Variants in ZC3H13 observed in about 807,000 individuals in gnomAD.
ZC3H13 encodes the protein zinc finger CCCH-type containing 13.
Under a neutral mutation model 204.1 loss-of-function variants are expected in ZC3H13, and 64 were observed. The ratio of observed to expected loss-of-function variants is 0.31; its 90% CI spans 0.26 to 0.39. The LOEUF (loss-of-function observed/expected upper bound fraction) is 0.39. Ranked by LOEUF, ZC3H13 falls within the 10% of genes least tolerant of loss-of-function variation. ZC3H13 has a pLI of 1.00. For missense variants in ZC3H13, 1,833 were observed against 2,082.7 expected (o/e 0.88, Z 2.33); for synonymous variants, 667 against 693.7 (o/e 0.96, Z 0.60).
At chr13:46,020,800 G>A (rs1022231712) in intron 4 of ZC3H13, among the ~76,000 whole-genome samples, 9 of 151,986 alleles carry the variant, frequency 5.9e-5, no homozygotes, top group Admixed American at 5.9e-4. Context: ...TAAAAGAGAT[G>A]TAGACTATAC....
chr13:45,960,957 G>A (rs544030497), intron 17 of ZC3H13, among the ~76,000 whole-genome samples: 65 of 152,302 alleles, frequency 4.3e-4, no homozygotes, highest in Admixed American at 2.6e-4. Context: ...CAATAGATGT[G>A]TAACATAAGA....
intron 4 of ZC3H13, among the ~76,000 whole-genome samples, chr13:46,038,091 T>C (rs2043321775): frequency 6.6e-6 from 1 of 152,224 alleles, no homozygotes; most frequent in Non-Finnish European, 1.5e-5. Flanking sequence ...GATCTCAGCA[T>C]GTCTCTTTTC....
intron 8 of ZC3H13, among the ~76,000 whole-genome samples, chr13:46,001,722 A>G (rs2040758935): frequency 6.6e-6 from 1 of 152,128 alleles, no homozygotes; most frequent in African/African-American, 2.4e-5. Flanking sequence ...ATAAAAGTAC[A>G]AAGAACCATT....
At chr13:46,020,700 TAGAG>T in intron 4 of ZC3H13, 143 bp from the exon 5 acceptor site, 1 of 587,784 alleles carries the variant, frequency 1.7e-6, no homozygotes, top group Non-Finnish European at 2.9e-6. Flanking sequence ...ATCCACTAAG[TAGAG>T]AAAGTGACAA....
intron 12 of ZC3H13, among the ~76,000 whole-genome samples, chr13:45,971,027 G>T (rs1952539760): frequency 6.6e-6 from 1 of 152,150 alleles, no homozygotes; most frequent in South Asian, 2.1e-4. Flanking sequence ...TCATAAAATT[G>T]CAGTAAGGAA....
At chr13:46,042,331 GTATT>G (rs1425948642) in intron 3 of ZC3H13, 56 bp from the exon 4 acceptor site, 2 of 1,144,160 alleles carry the variant, frequency 1.7e-6, no homozygotes, top group Non-Finnish European at 2.6e-6. Context: ...ACAAAAATCT[GTATT>G]TATATATTAA....
At chr13:46,000,489 C>CT (rs888648801) in intron 8 of ZC3H13, among the ~76,000 whole-genome samples, 2 of 152,196 alleles carry the variant, frequency 1.3e-5, no homozygotes, top group Admixed American at 6.5e-5. Context: ...TAACTTCAAA[C>CT]TTTTTTCCTG....
At chr13:46,039,898 T>C (rs573235704) in intron 4 of ZC3H13, among the ~76,000 whole-genome samples, 88 of 152,284 alleles carry the variant, frequency 5.8e-4, no homozygotes, top group Non-Finnish European at 8.2e-4. Context: ...AGTATTTACA[T>C]AAAAGAAGGG....
At chr13:46,027,700 A>G (rs1372722842) in intron 4 of ZC3H13, among the ~76,000 whole-genome samples, 2 of 152,224 alleles carry the variant, frequency 1.3e-5, no homozygotes, top group Non-Finnish European at 2.9e-5. Flanking sequence ...TTTTGTTATT[A>G]TCTGTATTAT....
rs2137659203 is a variant in ZC3H13, at chr13:45,954,830, A to G, written c.*2297T>C. 1 of 152,370 alleles carries G rather than the reference A, an allele frequency of 6.6e-6. No individual in the cohort carries two copies. The highest frequency in any genetic ancestry group is 2.4e-5 in the African/African-American group (1 of 41,582). 9.4% of individuals were successfully genotyped at this position (152,370 alleles called of 1,614,324 possible). ...ACGACAATCTGCAATTACTGGTCAGAGTGAAGCGAAGTGACAGGTCAGATT... is the reference window on the plus strand; with the variant it reads ...ACGACAATCTGCAATTACTGGTCAGGGTGAAGCGAAGTGACAGGTCAGATT... On this transcript the variant is annotated 3_prime_UTR_variant, in exon 19 of 19. Transcript: ENST00000679008.
At chr13:45,964,747 G>A (rs1205610048) in intron 16 of ZC3H13, among the ~76,000 whole-genome samples, 1 of 152,132 alleles carries the variant, frequency 6.6e-6, no homozygotes, top group Admixed American at 6.5e-5. Context: ...TGATTCAAGA[G>A]GAATATTAAG....
At chr13:46,032,362 CA>C (rs11323386) in intron 4 of ZC3H13, among the ~76,000 whole-genome samples, 39,797 of 99,526 alleles carry the variant, frequency 0.4, 5,362 homozygotes, top group Middle Eastern at 0.51. Context: ...AGAAAAAGAC[CA>C]AAAAAAAAAA....
chr13:46,038,728 C>G (rs1488657759), intron 4 of ZC3H13, among the ~76,000 whole-genome samples: 1 of 152,098 alleles, frequency 6.6e-6, no homozygotes, highest in Non-Finnish European at 1.5e-5. Context: ...AAATATAACA[C>G]TAAAAATAAT....
chr13:46,006,195 G>A (rs1452088851), intron 7 of ZC3H13, among the ~76,000 whole-genome samples: 6 of 151,436 alleles, frequency 4.0e-5, no homozygotes, highest in African/African-American at 7.3e-5. Flanking sequence ...AGACAGCTTC[G>A]ACTCCCTCGG....
intron 12 of ZC3H13, among the ~76,000 whole-genome samples, chr13:45,971,592 A>C (rs951350635): frequency 2.6e-5 from 4 of 152,218 alleles, no homozygotes; most frequent in African/African-American, 4.8e-5. Context: ...TCTTTTGGAC[A>C]CTGGCCTAGG....
In ZC3H13 at chr13:45,985,412, T is replaced by A; in HGVS notation, c.1605A>T (p.Arg535Ser). ...TTATTTCCGTACGAGAACTTTCTTC[T>A]CTCAAATGGTTTCGGCCATAACTCC... ...ESRSYGRNHLREESSRTEIRN... is the reference protein window; with the variant it reads ...ESRSYGRNHLSEESSRTEIRN... Residue 535 changes from arginine to serine, a missense_variant, in exon 10 of 19, where the codon AGA becomes AGT. Coordinates refer to ENST00000679008, the MANE Select transcript of ZC3H13 (RefSeq NM_001330564.2). 6.2e-7 allele frequency: 1 copy of A among 1,614,216 alleles called. No homozygotes were observed. Among genetic ancestry groups the A allele is most frequent in the Non-Finnish European group, 8.5e-7 (1 of 1,180,022 alleles).
intron 5 of ZC3H13, among the ~76,000 whole-genome samples, chr13:46,018,468 T>C (rs112732535): frequency 6.6e-6 from 1 of 152,062 alleles, no homozygotes; most frequent in Admixed American, 6.6e-5. Context: ...ATGAACAAGA[T>C]TGCTGAGGCA....
At position 46,043,664 on chromosome 13, in the gene ZC3H13, G is replaced by A. The variant is rs553320111; in HGVS notation, c.227+1291C>T. Among the ~76,000 whole-genome samples, 9 of 150,994 alleles carry A rather than the reference G, an allele frequency of 6.0e-5. No homozygotes were observed. The East Asian group carries it at 1.6e-3, about 26-fold the overall frequency. Reference sequence around the variant, plus strand: ...CATTATGAACTATGTTTTTCCTCCCGACAAAAAAAATGCACAAATACGAAA... The same window carrying A: ...CATTATGAACTATGTTTTTCCTCCCAACAAAAAAAATGCACAAATACGAAA... On this transcript the variant is annotated intron_variant, in intron 3 of 18. Coordinates refer to ENST00000679008, the MANE Select transcript of ZC3H13 (RefSeq NM_001330564.2).
At chr13:46,003,041 TA>T in intron 8 of ZC3H13, 97 bp downstream of exon 8, 1 of 1,246,504 alleles carries the variant, frequency 8.0e-7, no homozygotes, top group Non-Finnish European at 1.1e-6. Context: ...TAAACAAAAC[TA>T]AAAAACCCAA....
Sources: allele counts gnomAD v4.1 joint callset (sites outside exome capture counted in the v4.1 genomes callset), GRCh38; gene constraint gnomAD v4.1.1; transcripts MANE v1.5; gene names NCBI Gene and HGNC (gene_info 2026-07-23, HGNC 2026-07-21).